NYNRIN: variants seen among roughly 807,000 people sequenced by gnomAD.
The protein encoded by NYNRIN is NYN domain and retroviral integrase containing.
Under a neutral mutation model 146.6 loss-of-function variants are expected in NYNRIN, and 86 were observed. That is an observed-to-expected ratio of 0.59 (90% CI 0.49 to 0.70). The LOEUF is 0.70. Ranked by LOEUF, NYNRIN falls within the 30% of genes least tolerant of loss-of-function variation. NYNRIN has a pLI of 0.00. For missense variants in NYNRIN, 2,191 were observed against 2,377.7 expected, an observed-to-expected ratio of 0.92 and a Z score of 1.63; for synonymous variants, 1,027 against 1,001.3, an observed-to-expected ratio of 1.03 and a Z score of -0.48.
chr14:24,417,108 G>A lies in NYNRIN; in HGVS notation c.5359G>A (p.Asp1787Asn). The change falls in exon 9 of 9, where the codon GAC becomes AAC. Residue 1787 changes from aspartate (D) to asparagine (N), a missense_variant. This residue lies in a region of NYNRIN where 1,291 missense variants were observed against 1,417.0 expected (regional missense o/e 0.91). Transcript: ENST00000382554. ...SSANIEGLKM[D>N]VFLLQLVGEL... ...CGCAAACATTGAAGGGCTCAAGATG[G>A]ACGTCTTCCTGCTACAGCTGGTGGG... The A allele has an allele frequency of 6.2e-7, 1 of 1,613,840 alleles. No homozygotes were observed.
At position 24,409,399 on chromosome 14, in the gene NYNRIN, T is replaced by C. The variant is rs1426010703; in HGVS notation, c.1605T>C (p.Pro535=). The change falls in exon 4 of 9, where the codon CCT becomes CCC. Residue 535 remains proline, a synonymous_variant. Transcript: ENST00000382554. Reference sequence around the variant, plus strand: ...GGGGGCTGACAGATCAGTCAGTACCTGGAGCTCAAACAGTGCCTGAAACTC... The same window carrying C: ...GGGGGCTGACAGATCAGTCAGTACCCGGAGCTCAAACAGTGCCTGAAACTC... ...AQGGLTDQSV[P]GAQTVPETLK... 1.9e-6 allele frequency: 3 copies of C among 1,613,922 alleles called. No individual in the cohort carries two copies. In the African/African-American group the frequency reaches 4.0e-5, roughly 22 times the overall value.
At chr14:24,412,802 C>G (rs1308583791) in intron 6 of NYNRIN, 195 bp from the exon 7 acceptor site, 1 of 510,654 alleles carries the variant, frequency 2.0e-6, no homozygotes, top group African/African-American at 1.9e-5. Flanking sequence ...CTTGGATGAC[C>G]TTGATCCCTA....
chr14:24,410,305 C>T (rs898117825), intron 4 of NYNRIN, 97 bp downstream of exon 4: 5 of 976,952 alleles, frequency 5.1e-6, no homozygotes, highest in Non-Finnish European at 7.6e-6. Flanking sequence ...CCCAACCTTC[C>T]TATGGGCGAC....
rs920993656 is a variant in NYNRIN, at chr14:24,416,079, C to T, written c.4330C>T (p.Leu1444=). 1 of 1,613,984 alleles carries T rather than the reference C, an allele frequency of 6.2e-7. No homozygotes were observed. ...GSLFAVTVDT[L]AKQGAQGGGQ... ...TCTGTTTGCTGTGACAGTGGACACC[C>T]TGGCCAAGCAGGGTGCCCAGGGGGG... is the stretch of plus-strand genomic sequence containing the variant. Residue 1444 remains leucine (L), a synonymous_variant, in exon 9 of 9, where the codon CTG becomes TTG. Coordinates refer to ENST00000382554, the MANE Select transcript of NYNRIN (RefSeq NM_025081.3).
In NYNRIN at chr14:24,415,980, C is replaced by T; in HGVS notation, c.4231C>T (p.Leu1411Phe). The part of the protein sequence containing the change: ...DGAPLPHPSL[L>F]SYIISLTSGL... ...GGCTCCACTCCCTCACCCAAGCCTG[C>T]TCTCCTACATTATATCCCTCACCTC... The change falls in exon 9 of 9, where the codon CTC becomes TTC. Residue 1411 changes from leucine (L) to phenylalanine (F), a missense_variant. Transcript: ENST00000382554. The T allele has an allele frequency of 6.2e-7, 1 of 1,613,980 alleles. No individual in the cohort carries two copies. Among genetic ancestry groups the T allele is most frequent in the Non-Finnish European group, 8.5e-7 (1 of 1,179,888 alleles).
At chr14:24,414,471 G>A in intron 8 of NYNRIN, 125 bp from the exon 9 acceptor site, 1 of 1,389,946 alleles carries the variant, frequency 7.2e-7, no homozygotes, top group Non-Finnish European at 9.4e-7. Flanking sequence ...CCTATGCCAT[G>A]CAAGTTGTTG....
At chr14:24,412,697 T>C in intron 6 of NYNRIN, 1 of 250,014 alleles carries the variant, frequency 4.0e-6, no homozygotes, top group Non-Finnish European at 7.7e-6. Context: ...CGAATGTGAG[T>C]TTCTGTGTCT....
In NYNRIN at chr14:24,415,461, A is replaced by G. The variant is rs144623810; in HGVS notation, c.3712A>G (p.Thr1238Ala). 0.012 allele frequency: 18,748 copies of G among 1,613,812 alleles called. 123 individuals carry two copies. The highest frequency in any genetic ancestry group is 0.031 in the Middle Eastern group (187 of 6,060). ...CCTGGACCTTTCCTATGCCTCCCGG[A>G]CCACTGCGGACCCTGAGGTGCGGGA... is the stretch of plus-strand genomic sequence containing the variant. ...VVLDLSYASR[T>A]TADPEVREGR... The change falls in exon 9 of 9, where the codon ACC (threonine) becomes GCC (alanine). Residue 1238 changes from threonine (T) to alanine (A), a missense_variant. This residue lies in a region of NYNRIN where 1,291 missense variants were observed against 1,417.0 expected (regional missense o/e 0.91). Coordinates refer to ENST00000382554, the MANE Select transcript of NYNRIN (RefSeq NM_025081.3).
At position 24,411,330 on chromosome 14, in the gene NYNRIN, C is replaced by A. The variant is rs200939923; in HGVS notation, c.2546-24C>A. The A allele has an allele frequency of 5.6e-6, 9 of 1,613,650 alleles. 1 individual carries two copies. Among genetic ancestry groups the A allele is most frequent in the Non-Finnish European group, 6.8e-6 (8 of 1,179,560 alleles). Reference sequence around the variant, plus strand: ...CCACTTAGCCCTCCCTTGACCATTTCTGTCTTCTGCCTTTCACCCCCAGAG... The same window carrying A: ...CCACTTAGCCCTCCCTTGACCATTTATGTCTTCTGCCTTTCACCCCCAGAG... On this transcript the variant is annotated intron_variant, in intron 5 of 8. Coordinates refer to ENST00000382554, the MANE Select transcript of NYNRIN (RefSeq NM_025081.3). This position sits in a 1 kb window ranked among gnomAD's most constrained non-coding sequence, Gnocchi z 4.3.
Position 24,416,889 on chromosome 14 carries a change from A to C in NYNRIN, c.5140A>C (p.Thr1714Pro). The change falls in exon 9 of 9, where the codon ACG (threonine) becomes CCG (proline). Residue 1714 changes from threonine (T) to proline (P), a missense_variant. Transcript: ENST00000382554. ...TCGGGACCTCCAGTTCCCCTGCCTG[A>C]CGAGCTCAGGGGCCTACTGGGAATT... ...LSRDLQFPCL[T>P]SSGAYWEFKR... 2 of 1,606,968 alleles carry C rather than the reference A, an allele frequency of 1.2e-6. No individual in the cohort carries two copies. Among genetic ancestry groups the C allele is most frequent in the South Asian group, 1.1e-5 (1 of 90,424 alleles).
chr14:24,409,300 G>A lies in NYNRIN; in HGVS notation c.1506G>A (p.Gln502=). 1 of 1,614,028 alleles carries A rather than the reference G, an allele frequency of 6.2e-7. No homozygotes were observed. The highest frequency in any genetic ancestry group is 1.3e-5 in the African/African-American group (1 of 75,068). ...GGEPGDQGSM[Q]LDFKGLEEGP... ...AGCCGGGGGATCAAGGGAGTATGCAGTTAGATTTTAAGGGACTGGAAGAGG... is the reference window on the plus strand; with the variant it reads ...AGCCGGGGGATCAAGGGAGTATGCAATTAGATTTTAAGGGACTGGAAGAGG... Residue 502 remains glutamine (Q), a synonymous_variant, in exon 4 of 9, where the codon CAG becomes CAA. Transcript: ENST00000382554.
At chr14:24,399,535 AC>A in intron 2 of NYNRIN, 91 bp downstream of exon 2, 1 of 1,154,920 alleles carries the variant, frequency 8.7e-7, no homozygotes, top group Non-Finnish European at 1.2e-6. Context: ...CAGAGACACC[AC>A]CCACCCTGCC....
chr14:24,402,037 G>T (rs1255863072), intron 2 of NYNRIN, among the ~76,000 whole-genome samples: 2 of 152,220 alleles, frequency 1.3e-5, no homozygotes, highest in Admixed American at 1.3e-4. Context: ...GACTGGGGGA[G>T]GGCTGATGGT....
At chr14:24,407,031 C>G in intron 2 of NYNRIN, among the ~76,000 whole-genome samples, 1 of 152,182 alleles carries the variant, frequency 6.6e-6, no homozygotes, top group South Asian at 2.1e-4. Flanking sequence ...GGCTTATCTC[C>G]TGCTCTGTTG....
At position 24,409,553 on chromosome 14, in the gene NYNRIN, G is replaced by T; in HGVS notation, c.1759G>T (p.Glu587Ter). ...AGTGCACACAGAGCCTGCAGCTCCC[G>T]AAGTGCCTTTGGCTCCAACAAAGCC... Reference protein sequence around the residue: ...LAVHTEPAAPEVPLAPTKPTA... With the variant: ...LAVHTEPAAP The change falls in exon 4 of 9, where the codon GAA (glutamate) becomes TAA (stop). Residue 587 changes from glutamate (E) to a stop codon, truncating the protein, a stop_gained. Transcript: ENST00000382554. LOFTEE classifies it high-confidence loss of function. The T allele has an allele frequency of 6.2e-7, 1 of 1,611,646 alleles. No homozygotes were observed. Among genetic ancestry groups the T allele is most frequent in the Non-Finnish European group, 8.5e-7 (1 of 1,178,862 alleles).
intron 3 of NYNRIN, 34 bp from the exon 4 acceptor site, chr14:24,408,618 T>C: frequency 6.4e-7 from 1 of 1,558,728 alleles, no homozygotes; most frequent in Non-Finnish European, 8.7e-7. Flanking sequence ...CAAACTGGCC[T>C]TCCACCTTTT....
intron 2 of NYNRIN, among the ~76,000 whole-genome samples, chr14:24,406,667 A>G (rs1250174392): frequency 1.3e-5 from 2 of 152,262 alleles, no homozygotes; most frequent in Non-Finnish European, 2.9e-5. Context: ...GGTGGTCTTC[A>G]GGATCGCTGC....
In NYNRIN at chr14:24,415,425, A is replaced by G. The variant is rs1566487628; in HGVS notation, c.3676A>G (p.Thr1226Ala). The G allele has an allele frequency of 1.9e-6, 3 of 1,613,734 alleles. No individual in the cohort carries two copies. The Admixed American group carries it at 5.0e-5, about 27-fold the overall frequency. Residue 1226 changes from threonine (T) to alanine (A), a missense_variant, in exon 9 of 9, where the codon ACC becomes GCC. By Grantham distance (58) the Thr-to-Ala change is moderately conservative. This residue lies in a region of NYNRIN where 1,291 missense variants were observed against 1,417.0 expected (regional missense o/e 0.91). Coordinates refer to ENST00000382554, the MANE Select transcript of NYNRIN (RefSeq NM_025081.3). ...LKHFSRCIGD[T>A]PVVLDLSYAS... ...GCATTTTTCCCGCTGCATTGGAGAC[A>G]CCCCGGTGGTCCTGGACCTTTCCTA...
chr14:24,413,061 C>A lies in NYNRIN; in HGVS notation c.2707C>A (p.Leu903Met). 1 of 1,599,460 alleles carries A rather than the reference C, an allele frequency of 6.3e-7. No individual in the cohort carries two copies. Among genetic ancestry groups the A allele is most frequent in the South Asian group, 1.1e-5 (1 of 87,956 alleles). ...TGTCACCAATGAGCAGATTCACATC[C>A]TGATGAATAGTTCCAAGAAACTGAT... ...IIVTNEQIHI[L>M]MNSSKKLMVK... The change falls in exon 7 of 9, where the codon CTG (leucine) becomes ATG (methionine). Residue 903 changes from leucine to methionine, a missense_variant. Around this residue, in one of 3 missense-constraint regions of NYNRIN, gnomAD observed 1,291 missense variants for 1,417.0 expected, o/e 0.91. Coordinates refer to ENST00000382554, the MANE Select transcript of NYNRIN (RefSeq NM_025081.3).
Sources: gnomAD v4.1 joint callset for allele counts (sites outside exome capture counted in the v4.1 genomes callset) on GRCh38, gnomAD v4.1.1 for gene constraint, gnomAD v4.1.1 regional missense constraint, Gnocchi (gnomAD v3.1) non-coding constraint, MANE v1.5 for transcripts, NCBI Gene and HGNC (gene_info 2026-07-23, HGNC 2026-07-21) for gene names.